The following EYS variants were observed in gnomAD, a reference collection of about 807,000 sequenced individuals.
EYS encodes protein eyes shut homolog.
Under a neutral mutation model 282.1 loss-of-function variants are expected in EYS, and 250 were observed. The observed-to-expected ratio is 0.89, with a 90% CI of 0.80 to 0.98. The LOEUF (loss-of-function observed/expected upper bound fraction) is 0.98, where lower values mean the gene tolerates loss of function less well. Among genes scored for constraint, EYS ranks in the 50% least tolerant of loss-of-function variants. The pLI is 0.00. For missense variants in EYS, 4,016 were observed against 3,709.0 expected (o/e 1.08, Z -2.15); for synonymous variants, 1,355 against 1,282.9 (o/e 1.06, Z -1.20).
At chr6:65,106,540 C>T (rs931710033) in intron 12 of EYS, among the ~76,000 whole-genome samples, 3 of 152,014 alleles carry the variant, frequency 2.0e-5, no homozygotes, top group Admixed American at 6.6e-5. Context: ...GGCATACCTA[C>T]GTGAGCATTA....
rs1197481606 is a variant in EYS at position 64,449,470 on chromosome 6, G to C, written c.5645-10118C>G. Among the ~76,000 whole-genome samples, 5 of 152,190 alleles carry C rather than the reference G, an allele frequency of 3.3e-5. No homozygotes were observed. The South Asian group carries it at 8.3e-4, about 25-fold the overall frequency. The stretch of plus-strand genomic sequence containing the variant: ...CAGGAGAACTTCCCCAATCTAGCAA[G>C]GCAGGCCAACATTCAAATTCAGGAA... On this transcript the variant is annotated intron_variant, in intron 26 of 42. Coordinates refer to ENST00000503581, the MANE Select transcript of EYS (RefSeq NM_001142800.2).
At chr6:64,640,289 A>G (rs1252856807) in intron 22 of EYS, among the ~76,000 whole-genome samples, 1 of 149,786 alleles carries the variant, frequency 6.7e-6, no homozygotes, top group Non-Finnish European at 1.5e-5. Context: ...TTGCGGCACT[A>G]TTCACAATAG....
intron 29 of EYS, among the ~76,000 whole-genome samples, chr6:64,367,718 G>A (rs1056587053): frequency 5.9e-5 from 9 of 151,984 alleles, no homozygotes; most frequent in East Asian, 1.9e-4. Flanking sequence ...AATTCAGAGC[G>A]GCTGCATTGA....
chr6:65,272,637 C>G (rs1767935780), intron 12 of EYS, among the ~76,000 whole-genome samples: 1 of 152,064 alleles, frequency 6.6e-6, no homozygotes, highest in South Asian at 2.1e-4. Flanking sequence ...GTTATGGAAA[C>G]AGAACTATTA....
intron 7 of EYS, among the ~76,000 whole-genome samples, chr6:65,401,196 T>C (rs2150362953): frequency 6.6e-6 from 1 of 151,934 alleles, no homozygotes; most frequent in East Asian, 1.9e-4. Context: ...AGTCAAGTCG[T>C]TTTTATTTTT....
At chr6:64,925,891 T>C (rs934836234) in intron 15 of EYS, among the ~76,000 whole-genome samples, 1 of 151,780 alleles carries the variant, frequency 6.6e-6, no homozygotes, top group Non-Finnish European at 1.5e-5. Context: ...CCCAGTAGGG[T>C]TCGGAGTCAG....
chr6:65,468,092 C>T (rs369942793), intron 5 of EYS, among the ~76,000 whole-genome samples: 6 of 152,008 alleles, frequency 3.9e-5, no homozygotes, highest in African/African-American at 1.2e-4. Flanking sequence ...GAACTAAGGG[C>T]AGCTCAGGAA....
At chr6:65,688,438 T>C (rs1295686235) in intron 1 of EYS, among the ~76,000 whole-genome samples, 8 of 152,096 alleles carry the variant, frequency 5.3e-5, no homozygotes, top group Non-Finnish European at 8.8e-5. Flanking sequence ...TAATTCAAGA[T>C]GGATTAAAGA....
intron 2 of EYS, among the ~76,000 whole-genome samples, chr6:65,563,923 C>T (rs1230515007): frequency 6.6e-6 from 1 of 152,114 alleles, no homozygotes; most frequent in Non-Finnish European, 1.5e-5. Flanking sequence ...TGAGCAACTT[C>T]AGCAAAGTGT....
chr6:65,329,057 A>G (rs939737693), intron 11 of EYS, among the ~76,000 whole-genome samples: 1 of 151,370 alleles, frequency 6.6e-6, no homozygotes, highest in Non-Finnish European at 1.5e-5. Flanking sequence ...ATAAATTTAA[A>G]TAAAAATCTG....
At chr6:64,802,134 C>G (rs1305930376) in intron 22 of EYS, among the ~76,000 whole-genome samples, 1 of 145,710 alleles carries the variant, frequency 6.9e-6, no homozygotes, top group Non-Finnish European at 1.5e-5. Flanking sequence ...CCCAGGTTCA[C>G]GCCATTCTCC....
chr6:65,672,686 CA>C (rs543778855), intron 1 of EYS, among the ~76,000 whole-genome samples: 66 of 152,158 alleles, frequency 4.3e-4, no homozygotes, highest in Middle Eastern at 6.8e-3. Context: ...ACAAAAAATT[CA>C]AAATTAACCA....
chr6:64,604,705 G>A (rs1238509069), intron 24 of EYS, among the ~76,000 whole-genome samples: 1 of 152,030 alleles, frequency 6.6e-6, no homozygotes, highest in Non-Finnish European at 1.5e-5. Flanking sequence ...TTAATCTGCA[G>A]GGAGATCTTC....
At chr6:64,525,308 C>A (rs904236025) in intron 26 of EYS, among the ~76,000 whole-genome samples, 3 of 151,668 alleles carry the variant, frequency 2.0e-5, no homozygotes, top group African/African-American at 7.3e-5. Context: ...ATAAAGAATA[C>A]ATGGTACATA....
At chr6:65,294,166 G>A (rs1433203299) in intron 12 of EYS, among the ~76,000 whole-genome samples, 2 of 151,728 alleles carry the variant, frequency 1.3e-5, no homozygotes, top group Non-Finnish European at 2.9e-5. Context: ...AGAGAAGGGG[G>A]CTGGAGAGAA....
At position 65,295,980 on chromosome 6, in the gene EYS, CA is replaced by C; in HGVS notation, c.1905del (p.Tyr635Ter). The C allele has an allele frequency of 6.4e-7, 1 of 1,551,236 alleles. No homozygotes were observed. Among genetic ancestry groups the C allele is most frequent in the Non-Finnish European group, 8.7e-7 (1 of 1,146,570 alleles). On this transcript the variant is annotated frameshift_variant, in exon 12 of 43. Coordinates refer to ENST00000503581, the MANE Select transcript of EYS (RefSeq NM_001142800.2). LOFTEE classifies it high-confidence loss of function. The stretch of plus-strand genomic sequence containing the variant: ...GTATCTATCTCACAGATGTTCCTTT[CA>C]TATCTTTGCAGACCGCTACAGTTAC... The part of the protein sequence containing the change: ...HNCNCSGLQR[Y>X]ERNICEIDTE...
intron 1 of EYS, among the ~76,000 whole-genome samples, chr6:65,686,301 C>A (rs879822755): frequency 4.6e-5 from 7 of 152,040 alleles, no homozygotes; most frequent in African/African-American, 1.7e-4. Context: ...TGATGTCTAC[C>A]TCTGCATCTT....
At chr6:64,737,796 C>T (rs551800183) in intron 22 of EYS, among the ~76,000 whole-genome samples, 12 of 152,140 alleles carry the variant, frequency 7.9e-5, no homozygotes, top group South Asian at 2.1e-4. Context: ...CATGAACCAT[C>T]GAGTAACTGT....
In EYS at chr6:64,317,222, TA is replaced by T. The variant is rs1770006681; in HGVS notation, c.6079-10141del. Among the ~76,000 whole-genome samples, 4 of 151,546 alleles carry T rather than the reference TA, an allele frequency of 2.6e-5. No individual in the cohort carries two copies. In the South Asian group the frequency reaches 8.3e-4, roughly 32 times the overall value. ...CCAAAATAGACAAATGACATCTAAT[TA>T]AAGAGCTTCTGCACAGAAAAAGAAA... On this transcript the variant is annotated intron_variant, in intron 29 of 42. Transcript: ENST00000503581.
Sources: gnomAD v4.1 joint callset for allele counts (sites outside exome capture counted in the v4.1 genomes callset) on GRCh38, gnomAD v4.1.1 for gene constraint, MANE v1.5 for transcripts, NCBI Gene and HGNC (gene_info 2026-07-23, HGNC 2026-07-21) for gene names.